The following RXFP2 variants were observed in gnomAD, a reference collection of about 807,000 sequenced individuals.
RXFP2 encodes the protein relaxin family peptide receptor 2, also known as relaxin receptor 2.
Under a neutral mutation model 88.6 loss-of-function variants are expected in RXFP2, and 68 were observed. The ratio of observed to expected loss-of-function variants is 0.77; its 90% CI spans 0.63 to 0.94. RXFP2 has a LOEUF of 0.94. RXFP2 is among the 40% of genes least tolerant of loss of function. The pLI is 0.00. For missense variants in RXFP2, 791 were observed against 893.9 expected, an observed-to-expected ratio of 0.88 and a Z score of 1.47; for synonymous variants, 329 against 306.8, an observed-to-expected ratio of 1.07 and a Z score of -0.76.
chr13:31,742,147 G>C (rs1055922400), intron 1 of RXFP2, among the ~76,000 whole-genome samples: 1 of 152,006 alleles, frequency 6.6e-6, no homozygotes, highest in Non-Finnish European at 1.5e-5. Flanking sequence ...CAAAAACATG[G>C]GCTTATGTAA....
chr13:31,792,761 T>C lies in RXFP2; in HGVS notation c.1459T>C (p.Leu487=). 6.2e-7 allele frequency: 1 copy of C among 1,614,174 alleles called. No individual in the cohort carries two copies. The highest frequency in any genetic ancestry group is 8.5e-7 in the Non-Finnish European group (1 of 1,180,026). ...KYRGQYQKYA[L]LWMESVQCRL... is the part of the protein sequence containing the mutation. Reference sequence around the variant, plus strand: ...CCGAGGGCAGTATCAGAAGTATGCCTTGCTGTGGATGGAGAGCGTGCAGTG... The same window carrying C: ...CCGAGGGCAGTATCAGAAGTATGCCCTGCTGTGGATGGAGAGCGTGCAGTG... Residue 487 remains leucine (L), a synonymous_variant, in exon 16 of 18, where the codon TTG becomes CTG. Transcript: ENST00000298386.
intron 1 of RXFP2, among the ~76,000 whole-genome samples, chr13:31,749,266 CA>C (rs1340661902): frequency 6.6e-6 from 1 of 152,088 alleles, no homozygotes; most frequent in Middle Eastern, 3.2e-3. Context: ...TGTCTTCTTC[CA>C]AACTTTCTAT....
At chr13:31,765,912 G>T (rs1237605566) in intron 4 of RXFP2, 44 bp from the exon 5 acceptor site, 4 of 935,130 alleles carry the variant, frequency 4.3e-6, no homozygotes, top group South Asian at 4.1e-5. Flanking sequence ...GAGTGGGTTG[G>T]CCATAACAAT....
chr13:31,762,126 C>T (rs916956893), intron 3 of RXFP2, among the ~76,000 whole-genome samples: 2 of 152,200 alleles, frequency 1.3e-5, no homozygotes, highest in Admixed American at 1.3e-4. Flanking sequence ...ACAACGATGA[C>T]TAAGACTGAG....
In RXFP2 at chr13:31,771,157, G is replaced by A. The variant is rs539310444; in HGVS notation, c.498-3463G>A. ...GCAGAGAACAGACATGCACAAATAT[G>A]TGTTTTAGACTGTATTGAGCTAATA... On this transcript the variant is annotated intron_variant, in intron 5 of 17. Coordinates refer to ENST00000298386, the MANE Select transcript of RXFP2 (RefSeq NM_130806.5). Among the ~76,000 whole-genome samples the A allele has an allele frequency of 2.0e-5, 3 of 152,294 alleles. No homozygotes were observed. The South Asian group carries it at 6.2e-4, about 32-fold the overall frequency.
chr13:31,753,429 T>C (rs1272315343), intron 1 of RXFP2, among the ~76,000 whole-genome samples: 1 of 152,184 alleles, frequency 6.6e-6, no homozygotes, highest in African/African-American at 2.4e-5. Flanking sequence ...TTCTCTGTCG[T>C]ATGTTCGAGC....
Position 31,765,990 on chromosome 13 carries a change from G to A in RXFP2, c.460G>A (p.Asp154Asn), listed in dbSNP as rs1246762271. 6.5e-6 allele frequency: 10 copies of A among 1,549,916 alleles called. No homozygotes were observed. Among genetic ancestry groups the A allele is most frequent in the Non-Finnish European group, 8.9e-6 (10 of 1,123,294 alleles). The change falls in exon 5 of 18, where the codon GAT becomes AAT. Residue 154 changes from aspartate to asparagine, a missense_variant. Coordinates refer to ENST00000298386, the MANE Select transcript of RXFP2 (RefSeq NM_130806.5). ...LKKNKIHSLP[D>N]KVFIKYTKLK... is the part of the protein sequence containing the mutation. ...GAAAAACAAAATCCACAGTCTTCCAGATAAAGTTTTCATCAAATACACAAA... is the reference window on the plus strand; with the variant it reads ...GAAAAACAAAATCCACAGTCTTCCAAATAAAGTTTTCATCAAATACACAAA...
chr13:31,746,410 T>C (rs1260940953), intron 1 of RXFP2, among the ~76,000 whole-genome samples: 3 of 152,218 alleles, frequency 2.0e-5, no homozygotes, highest in Non-Finnish European at 4.4e-5. Flanking sequence ...AAGTATTTGG[T>C]AAGGGAATAG....
At chr13:31,756,768 G>A (rs1044154822) in intron 1 of RXFP2, among the ~76,000 whole-genome samples, 5 of 151,736 alleles carry the variant, frequency 3.3e-5, no homozygotes, top group African/African-American at 9.7e-5. Context: ...ACTGCAGCAC[G>A]TGCCACCATG....
chr13:31,776,068 C>G (rs1216444142), intron 7 of RXFP2, among the ~76,000 whole-genome samples: 1 of 107,990 alleles, frequency 9.3e-6, no homozygotes, highest in African/African-American at 3.9e-5. Context: ...CTTCTTCTTT[C>G]TTTCTTTCTT....
Position 31,802,449 on chromosome 13 carries a change from A to T in RXFP2, c.*44A>T. 6.2e-7 allele frequency: 1 copy of T among 1,600,332 alleles called. No individual in the cohort carries two copies. Among genetic ancestry groups the T allele is most frequent in the Non-Finnish European group, 8.5e-7 (1 of 1,170,352 alleles). On this transcript the variant is annotated 3_prime_UTR_variant, in exon 18 of 18. Transcript: ENST00000298386. ...GGACTTTCAGTGGACTACCTAAAAC[A>T]GGGGACAGCTTTTGGAAGATGACAT...
rs747939735 is a variant in RXFP2 at position 31,802,448 on chromosome 13, CAG to C, written c.*44_*45del. ...TGGACTTTCAGTGGACTACCTAAAACAGGGGACAGCTTTTGGAAGATGACATC... is the reference window on the plus strand; with the variant it reads ...TGGACTTTCAGTGGACTACCTAAAACGGGACAGCTTTTGGAAGATGACATC... On this transcript the variant is annotated 3_prime_UTR_variant, in exon 18 of 18. Transcript: ENST00000298386. 1.2e-5 allele frequency: 19 copies of C among 1,599,650 alleles called. No homozygotes were observed. In the African/African-American group the frequency reaches 1.9e-4, roughly 16 times the overall value.
At chr13:31,743,976 TTAAGTATTCCTGTCTC>T (rs1466998901) in intron 1 of RXFP2, among the ~76,000 whole-genome samples, 1 of 152,186 alleles carries the variant, frequency 6.6e-6, no homozygotes, top group Non-Finnish European at 1.5e-5. Flanking sequence ...ATTCGCCCCC[TTAAGTATTCCTGTCTC>T]TAATCACCTC....
chr13:31,773,269 C>T (rs536559741), intron 5 of RXFP2, among the ~76,000 whole-genome samples: 57 of 152,268 alleles, frequency 3.7e-4, no homozygotes, highest in African/African-American at 1.3e-3. Context: ...GTTTACTTTG[C>T]AGGATTGAAA....
At chr13:31,773,329 T>C (rs932506371) in intron 5 of RXFP2, among the ~76,000 whole-genome samples, 1 of 152,234 alleles carries the variant, frequency 6.6e-6, no homozygotes, top group African/African-American at 2.4e-5. Context: ...GTGCCAACAC[T>C]TGGCACATGG....
At chr13:31,793,236 T>G (rs1873880425) in intron 16 of RXFP2, 148 bp downstream of exon 16, 1 of 706,514 alleles carries the variant, frequency 1.4e-6, no homozygotes, top group Non-Finnish European at 2.3e-6. Flanking sequence ...TTTACTATTG[T>G]GTTTATTGAA....
intron 4 of RXFP2, 125 bp from the exon 5 acceptor site, chr13:31,765,831 A>C: frequency 1.6e-6 from 1 of 635,612 alleles, no homozygotes; most frequent in Non-Finnish European, 2.9e-6. Flanking sequence ...AGTTATTGTC[A>C]TGTTCAAATA....
intron 5 of RXFP2, among the ~76,000 whole-genome samples, chr13:31,771,413 G>A (rs1188338721): frequency 6.6e-6 from 1 of 152,174 alleles, no homozygotes; most frequent in Non-Finnish European, 1.5e-5. Flanking sequence ...ACATGCAAGG[G>A]ATCTGGGTTG....
At chr13:31,792,134 A>G in intron 15 of RXFP2, 99 bp downstream of exon 15, 2 of 885,186 alleles carry the variant, frequency 2.3e-6, no homozygotes, top group Non-Finnish European at 3.5e-6. Context: ...ATGGCATTTA[A>G]TGTGAATTAT....
Sources: allele counts gnomAD v4.1 joint callset (sites outside exome capture counted in the v4.1 genomes callset), GRCh38; gene constraint gnomAD v4.1.1; transcripts MANE v1.5; gene names NCBI Gene and HGNC (gene_info 2026-07-23, HGNC 2026-07-21).